Variants in ZEB1 observed in about 807,000 individuals in gnomAD.
ZEB1 encodes zinc finger E-box-binding homeobox 1.
A neutral mutation model predicts 84.9 loss-of-function variants in ZEB1; 21 were observed. The observed-to-expected ratio is 0.25, with a 90% confidence interval of 0.18 to 0.36. The LOEUF (loss-of-function observed/expected upper bound fraction) is 0.36, where lower values mean the gene tolerates loss of function less well. Among genes scored for constraint, ZEB1 ranks in the 10% least tolerant of loss-of-function variants. ZEB1 has a pLI of 1.00. For synonymous variants in ZEB1, 420 were observed against 471.1 expected (o/e 0.89, Z 1.41); for missense variants, 1,104 against 1,330.2 (o/e 0.83, Z 2.65).
chr10:31,336,561 G>T lies in ZEB1; in HGVS notation c.58+17269G>T, dbSNP rs1358634279. On this transcript the variant is annotated intron_variant, in intron 1 of 8. Transcript: ENST00000424869. ...GCAAATATGACTACATCAAAATTAA[G>T]AATTTTGTTTCACTAATAGATACTG... Among the ~76,000 whole-genome samples, 4 of 152,060 alleles carry T rather than the reference G, an allele frequency of 2.6e-5. No individual in the cohort carries two copies. The East Asian group carries it at 7.7e-4, about 29-fold the overall frequency.
chr10:31,471,486 G>A (rs1411231785), intron 2 of ZEB1, among the ~76,000 whole-genome samples: 1 of 150,996 alleles, frequency 6.6e-6, no homozygotes, highest in Middle Eastern at 3.2e-3. Context: ...AATGGTAAAG[G>A]GATCAATTCA....
chr10:31,440,305 C>T (rs1159930459), intron 1 of ZEB1, among the ~76,000 whole-genome samples: 1 of 152,088 alleles, frequency 6.6e-6, no homozygotes, highest in Non-Finnish European at 1.5e-5. Flanking sequence ...AAGACAAAAG[C>T]CACATGATTA....
At chr10:31,393,733 A>G (rs1186754880) in intron 1 of ZEB1, among the ~76,000 whole-genome samples, 4 of 152,206 alleles carry the variant, frequency 2.6e-5, no homozygotes, top group African/African-American at 9.6e-5. Flanking sequence ...ATTGTTTAAA[A>G]TAGAACTTTC....
intron 1 of ZEB1, among the ~76,000 whole-genome samples, chr10:31,442,298 T>C (rs2059111455): frequency 6.6e-6 from 1 of 151,996 alleles, no homozygotes; most frequent in Admixed American, 6.6e-5. Context: ...CTCAGCAAAC[T>C]ATCGCAAGGA....
intron 1 of ZEB1, among the ~76,000 whole-genome samples, chr10:31,448,883 C>T (rs1169200634): frequency 5.3e-5 from 8 of 152,224 alleles, no homozygotes; most frequent in East Asian, 3.8e-4. Flanking sequence ...TGTGCCCTGT[C>T]CCCAGAGGTG....
intron 1 of ZEB1, among the ~76,000 whole-genome samples, chr10:31,331,883 A>G (rs533093549): frequency 6.4e-4 from 97 of 152,302 alleles, no homozygotes; most frequent in African/African-American, 2.2e-3. Flanking sequence ...AAAATGCTTT[A>G]TATTGCTTTC....
At chr10:31,480,362 G>A (rs2064880965) in intron 2 of ZEB1, among the ~76,000 whole-genome samples, 5 of 151,968 alleles carry the variant, frequency 3.3e-5, no homozygotes, top group Admixed American at 3.3e-4. Flanking sequence ...GAATGTATCA[G>A]TCACTATCTA....
chr10:31,334,861 TAAAAC>T (rs1028358454), intron 1 of ZEB1, among the ~76,000 whole-genome samples: 2 of 151,988 alleles, frequency 1.3e-5, no homozygotes, highest in Non-Finnish European at 2.9e-5. Context: ...GGAATACCCT[TAAAAC>T]AAAAAGGAAA....
intron 1 of ZEB1, chr10:31,358,304 T>C (rs1011690234): frequency 6.6e-6 from 1 of 152,204 alleles, no homozygotes; most frequent in African/African-American, 2.4e-5. Context: ...TTTTTACTTA[T>C]GTGAAACACC....
At chr10:31,511,008 A>G (rs1026435582) in intron 5 of ZEB1, 133 bp downstream of exon 5, 2 of 863,964 alleles carry the variant, frequency 2.3e-6, no homozygotes, top group African/African-American at 3.4e-5. Context: ...AGCCTTATAA[A>G]AGTGAAAATG....
At chr10:31,412,495 T>G (rs1473049145) in intron 1 of ZEB1, among the ~76,000 whole-genome samples, 1 of 152,068 alleles carries the variant, frequency 6.6e-6, no homozygotes, top group Non-Finnish European at 1.5e-5. Flanking sequence ...TACCTATGAG[T>G]GAGAACATGC....
At chr10:31,392,772 A>G (rs1324534034) in intron 1 of ZEB1, among the ~76,000 whole-genome samples, 1 of 151,434 alleles carries the variant, frequency 6.6e-6, no homozygotes, top group Non-Finnish European at 1.5e-5. Flanking sequence ...GGAACACTAC[A>G]TATATATAAA....
At chr10:31,439,903 T>C (rs139925923) in intron 1 of ZEB1, among the ~76,000 whole-genome samples, 1 of 152,160 alleles carries the variant, frequency 6.6e-6, no homozygotes, top group Non-Finnish European at 1.5e-5. Context: ...AGTCATTAGA[T>C]GGTTTGACAA....
intron 1 of ZEB1, among the ~76,000 whole-genome samples, chr10:31,342,364 G>T (rs916226289): frequency 6.6e-6 from 1 of 152,148 alleles, no homozygotes; most frequent in Non-Finnish European, 1.5e-5. Flanking sequence ...GAAATTTTAG[G>T]TCTGGAGATC....
At chr10:31,344,794 G>T (rs760891988) in intron 1 of ZEB1, among the ~76,000 whole-genome samples, 22 of 151,954 alleles carry the variant, frequency 1.4e-4, no homozygotes, top group Non-Finnish European at 5.9e-5. Context: ...ACTTGTTCTG[G>T]GTTATTTTGA....
chr10:31,330,116 A>G (rs1428691541), intron 1 of ZEB1, among the ~76,000 whole-genome samples: 1 of 152,110 alleles, frequency 6.6e-6, no homozygotes, highest in Non-Finnish European at 1.5e-5. Context: ...CCTATTCCAG[A>G]TCTTCAGGAT....
intron 4 of ZEB1, among the ~76,000 whole-genome samples, chr10:31,510,145 G>A (rs1159519781): frequency 1.3e-5 from 2 of 151,942 alleles, no homozygotes; most frequent in Non-Finnish European, 2.9e-5. Flanking sequence ...TACCTGCAAG[G>A]GACTCTTGGA....
Position 31,461,245 on chromosome 10 carries a change from T to A in ZEB1, c.259+8T>A, listed in dbSNP as rs370930813. ...ACTGCTGGGAGGATGACAGTAAGTCTGATTTTTTTTTGTAATATTGTATTC... is the reference window on the plus strand; with the variant it reads ...ACTGCTGGGAGGATGACAGTAAGTCAGATTTTTTTTTGTAATATTGTATTC... On this transcript the variant is annotated splice_region_variant and intron_variant, in intron 2 of 8. Transcript: ENST00000424869. 13 of 1,605,642 alleles carry A rather than the reference T, an allele frequency of 8.1e-6. No individual in the cohort carries two copies. The highest frequency in any genetic ancestry group is 1.1e-5 in the Non-Finnish European group (13 of 1,175,374).
At chr10:31,333,335 C>G (rs939461104) in intron 1 of ZEB1, among the ~76,000 whole-genome samples, 1 of 152,192 alleles carries the variant, frequency 6.6e-6, no homozygotes, top group African/African-American at 2.4e-5. Context: ...CCATTACATT[C>G]TCTGAGTTTC....
Sources: allele counts gnomAD v4.1 joint callset (sites outside exome capture counted in the v4.1 genomes callset), GRCh38; gene constraint gnomAD v4.1.1; transcripts MANE v1.5; gene names NCBI Gene and HGNC (gene_info 2026-07-23, HGNC 2026-07-21).